The following LARP4B variants were observed in gnomAD, a reference collection of about 807,000 sequenced individuals.
LARP4B encodes the protein la-related protein 4B.
Under a neutral mutation model 89.8 loss-of-function variants are expected in LARP4B, and 12 were observed. The ratio of observed to expected loss-of-function variants is 0.13; its 90% confidence interval spans 0.09 to 0.22. LARP4B has a LOEUF of 0.22. Ranked by LOEUF, LARP4B falls within the 10% of genes least tolerant of loss-of-function variation. The pLI, the probability that LARP4B is intolerant of heterozygous loss-of-function variation, is 1.00. For missense variants in LARP4B, 757 were observed against 947.7 expected, an observed-to-expected ratio of 0.80 and a Z score of 2.64; for synonymous variants, 367 against 363.3, an observed-to-expected ratio of 1.01 and a Z score of -0.12.
intron 1 of LARP4B, among the ~76,000 whole-genome samples, chr10:914,829 C>CAAA (rs1836775262): frequency 3.0e-5 from 3 of 100,480 alleles, no homozygotes; most frequent in Non-Finnish European, 4.0e-5. Context: ...CACCCCCCAG[C>CAAA]AAAGAAAAAA....
intron 1 of LARP4B, among the ~76,000 whole-genome samples, chr10:889,524 G>C (rs1433655431): frequency 1.3e-5 from 2 of 152,184 alleles, no homozygotes; most frequent in Non-Finnish European, 2.9e-5. Context: ...CACAGACAGT[G>C]GTCCTGGCCA....
the LARP4B span, among the ~76,000 whole-genome samples, chr10:941,007 G>T: frequency 3.3e-5 from 5 of 152,198 alleles, no homozygotes; most frequent in African/African-American, 1.2e-4. Context: ...CAGGAGCTCA[G>T]AGCCCCGGAC....
intron 1 of LARP4B, among the ~76,000 whole-genome samples, chr10:911,570 C>T (rs536074036): frequency 3.3e-5 from 5 of 152,274 alleles, no homozygotes; most frequent in Non-Finnish European, 5.9e-5. Context: ...CTGTTTCCTT[C>T]CACACTTCTA....
intron 1 of LARP4B, among the ~76,000 whole-genome samples, chr10:913,155 T>C (rs117899663): frequency 0.018 from 2,800 of 152,236 alleles, 44 homozygotes; most frequent in Non-Finnish European, 0.03. Context: ...TCTTTGGAAG[T>C]GAAAATTTAG....
chr10:864,377 G>T, intron 3 of LARP4B, 107 bp from the exon 4 acceptor site: 1 of 1,038,228 alleles, frequency 9.6e-7, no homozygotes, highest in Non-Finnish European at 1.4e-6. Flanking sequence ...CAAAGGCTCA[G>T]CCTATGTATT....
chr10:890,420 T>A (rs1835979736), intron 1 of LARP4B, among the ~76,000 whole-genome samples: 1 of 152,248 alleles, frequency 6.6e-6, no homozygotes. Context: ...AACAGATATA[T>A]TTCATTTTAA....
At chr10:943,763 G>C in the LARP4B span, among the ~76,000 whole-genome samples, 1 of 152,098 alleles carries the variant, frequency 6.6e-6, no homozygotes, top group Non-Finnish European at 1.5e-5. Context: ...GGGGGCCCAG[G>C]TCAGGAGGGC....
At chr10:946,977 C>A in the LARP4B span, among the ~76,000 whole-genome samples, 3 of 152,108 alleles carry the variant, frequency 2.0e-5, no homozygotes, top group African/African-American at 7.2e-5. Flanking sequence ...CAAGCGATTT[C>A]TCATGCCTTA....
At chr10:817,542 G>A (rs35772020) in intron 15 of LARP4B, among the ~76,000 whole-genome samples, 183 bp downstream of exon 15, 7,094 of 152,262 alleles carry the variant, frequency 0.047, 246 homozygotes, top group Middle Eastern at 0.092. Context: ...TTAAGGAGAA[G>A]GCCCAGCCCT....
intron 6 of LARP4B, among the ~76,000 whole-genome samples, chr10:844,562 A>G (rs1833682019): frequency 6.6e-6 from 1 of 152,196 alleles, no homozygotes; most frequent in Non-Finnish European, 1.5e-5. Context: ...TGGAACTTTA[A>G]AGGTTTTACT....
chr10:919,075 C>T (rs896454877), intron 1 of LARP4B, among the ~76,000 whole-genome samples: 4 of 151,652 alleles, frequency 2.6e-5, no homozygotes, highest in East Asian at 3.9e-4. Flanking sequence ...AGTGAGACTC[C>T]GTCTCAAAAA....
the LARP4B span, among the ~76,000 whole-genome samples, chr10:966,891 C>T: frequency 6.6e-6 from 1 of 151,928 alleles, no homozygotes; most frequent in African/African-American, 2.4e-5. Context: ...AGAGAGATAT[C>T]GCTCCTGGGA....
chr10:884,571 C>G, intron 2 of LARP4B, 65 bp from the exon 3 acceptor site: 1 of 1,113,710 alleles, frequency 9.0e-7, no homozygotes, highest in Non-Finnish European at 1.3e-6. Flanking sequence ...TATTTTCAAA[C>G]CACAGTAATT....
At position 875,444 on chromosome 10, in the gene LARP4B, C is replaced by T. The variant is rs184331084; in HGVS notation, c.141+9003G>A. Reference sequence around the variant, plus strand: ...ATACCATTCCCCCGACCTCTTCTATCTCATACTAACCAATGCCAGCACACT... The same window carrying T: ...ATACCATTCCCCCGACCTCTTCTATTTCATACTAACCAATGCCAGCACACT... On this transcript the variant is annotated intron_variant, in intron 3 of 17. Coordinates refer to ENST00000316157, the MANE Select transcript of LARP4B (RefSeq NM_015155.3). Among the ~76,000 whole-genome samples, 321 of 152,314 alleles carry T rather than the reference C, an allele frequency of 2.1e-3. 3 individuals are homozygous for T. The highest frequency in any genetic ancestry group is 9.7e-4 in the Non-Finnish European group (66 of 68,032).
intron 15 of LARP4B, 71 bp from the exon 16 acceptor site, chr10:815,141 A>G: frequency 6.7e-7 from 1 of 1,489,484 alleles, no homozygotes; most frequent in Non-Finnish European, 8.9e-7. Flanking sequence ...GTGCCCGTTC[A>G]CCCCACCCGT....
intron 1 of LARP4B, among the ~76,000 whole-genome samples, chr10:907,071 G>A (rs1467618939): frequency 2.0e-5 from 3 of 152,140 alleles, no homozygotes; most frequent in African/African-American, 4.8e-5. Flanking sequence ...AGCCTTGGTT[G>A]GTTATTCTAT....
chr10:881,488 C>T (rs1835665948), intron 3 of LARP4B, among the ~76,000 whole-genome samples: 2 of 152,206 alleles, frequency 1.3e-5, no homozygotes, highest in Non-Finnish European at 2.9e-5. Flanking sequence ...CCACCCCACA[C>T]TGTCCTCTGG....
At chr10:958,740 A>G in the LARP4B span, among the ~76,000 whole-genome samples, 3 of 152,186 alleles carry the variant, frequency 2.0e-5, no homozygotes. Context: ...CTCACCACCC[A>G]GTGTTTCTCC....
At chr10:960,937 C>G in the LARP4B span, among the ~76,000 whole-genome samples, 1 of 152,056 alleles carries the variant, frequency 6.6e-6, no homozygotes, top group South Asian at 2.1e-4. Context: ...GCCACAGAAT[C>G]GAGGCATAGG....
Sources: allele counts gnomAD v4.1 joint callset (sites outside exome capture counted in the v4.1 genomes callset), GRCh38; gene constraint gnomAD v4.1.1; transcripts MANE v1.5; gene names NCBI Gene and HGNC (gene_info 2026-07-23, HGNC 2026-07-21).